RASA2: variants seen among roughly 807,000 people sequenced by gnomAD.
The protein encoded by RASA2 is RAS p21 protein activator 2, also known as ras GTPase-activating protein 2.
A neutral mutation model predicts 118.2 loss-of-function variants in RASA2; 155 were observed. The observed-to-expected ratio is 1.31, with a 90% CI of 1.15 to 1.50. The LOEUF (loss-of-function observed/expected upper bound fraction) is 1.50, where lower values mean the gene tolerates loss of function less well. RASA2 is among the 40% of genes most tolerant of loss of function. The pLI, the probability that RASA2 is intolerant of heterozygous loss-of-function variation, is 0.00. For missense variants in RASA2, 1,016 were observed against 1,009.6 expected (o/e 1.01, Z -0.09); for synonymous variants, 353 against 349.1 (o/e 1.01, Z -0.12).
intron 5 of RASA2, among the ~76,000 whole-genome samples, chr3:141,553,011 CA>C (rs2082596712): frequency 2.0e-5 from 3 of 152,122 alleles, no homozygotes. Flanking sequence ...CTGTAAATGC[CA>C]ACAACTGTGA....
intron 19 of RASA2, among the ~76,000 whole-genome samples, chr3:141,593,473 G>A (rs1027556720): frequency 2.2e-4 from 33 of 152,090 alleles, no homozygotes; most frequent in Non-Finnish European, 4.1e-4. Context: ...TGGAGTTTAG[G>A]GCTACCAGAG....
At chr3:141,543,870 TTTTTTC>T (rs2082441820) in intron 5 of RASA2, among the ~76,000 whole-genome samples, 1 of 118,824 alleles carries the variant, frequency 8.4e-6, no homozygotes, top group Non-Finnish European at 1.7e-5. Flanking sequence ...TCTTTCTTTC[TTTTTTC>T]TTTTTTTTTT....
chr3:141,559,747 A>G (rs181475651), intron 8 of RASA2, 147 bp from the exon 9 acceptor site: 1 of 588,618 alleles, frequency 1.7e-6, no homozygotes, highest in African/African-American at 1.9e-5. Flanking sequence ...TAGTCTGGAT[A>G]GTGAGGTATG....
Position 141,603,457 on chromosome 3 carries a change from G to A in RASA2, c.1934-4221G>A, listed in dbSNP as rs139669974. On this transcript the variant is annotated intron_variant, in intron 19 of 23. Coordinates refer to ENST00000286364, the MANE Select transcript of RASA2 (RefSeq NM_006506.5). ...GTGGTAGTGGGCGCCTGTAATCCCAGCTACTCAGGAGGCTGAGGCAGGAGA... is the reference window on the plus strand; with the variant it reads ...GTGGTAGTGGGCGCCTGTAATCCCAACTACTCAGGAGGCTGAGGCAGGAGA... Among the ~76,000 whole-genome samples the A allele has an allele frequency of 5.1e-3, 780 of 152,142 alleles. 8 individuals are homozygous for A. Among genetic ancestry groups the A allele is most frequent in the African/African-American group, 0.018 (747 of 41,478 alleles).
chr3:141,520,925 A>G (rs1199187185), intron 3 of RASA2, among the ~76,000 whole-genome samples: 2 of 152,180 alleles, frequency 1.3e-5, no homozygotes, highest in African/African-American at 4.8e-5. Flanking sequence ...AGGGGTTTCA[A>G]ATAGGGCATA....
intron 5 of RASA2, among the ~76,000 whole-genome samples, chr3:141,546,255 G>A (rs1408130457): frequency 6.6e-6 from 1 of 152,054 alleles, no homozygotes; most frequent in Non-Finnish European, 1.5e-5. Context: ...GTTTTTTGAG[G>A]AACCTCCAAA....
At chr3:141,560,108 A>G in intron 9 of RASA2, 113 bp downstream of exon 9, 1 of 739,446 alleles carries the variant, frequency 1.4e-6, no homozygotes. Flanking sequence ...GTAATAAGCT[A>G]AACGTCATTA....
intron 9 of RASA2, among the ~76,000 whole-genome samples, chr3:141,569,775 C>A (rs1028708196): frequency 6.6e-6 from 1 of 151,976 alleles, no homozygotes; most frequent in African/African-American, 2.4e-5. Flanking sequence ...TCAATCCCTA[C>A]CCCCCTATCT....
chr3:141,510,696 T>C lies in RASA2; in HGVS notation c.134-1467T>C, dbSNP rs377091666. On this transcript the variant is annotated intron_variant, in intron 1 of 23. Coordinates refer to ENST00000286364, the MANE Select transcript of RASA2 (RefSeq NM_006506.5). ...GATAAGGCACTCGCCATTGAAGATA[T>C]CTAGGAGTGTAGCATTCCAGACAAA... 5.3e-5 allele frequency among the ~76,000 whole-genome samples: 8 copies of C among 152,272 alleles called. No homozygotes were observed. In the East Asian group the frequency reaches 1.5e-3, roughly 29 times the overall value.
At chr3:141,561,878 G>A (rs187298827) in intron 9 of RASA2, among the ~76,000 whole-genome samples, 40 of 152,242 alleles carry the variant, frequency 2.6e-4, no homozygotes, top group African/African-American at 9.4e-4. Context: ...TAGACTAGAT[G>A]AATATTTGAT....
chr3:141,572,061 TACACACACACACACAC>T (rs374643522), intron 11 of RASA2, among the ~76,000 whole-genome samples: 1 of 98,264 alleles, frequency 1.0e-5, no homozygotes, highest in African/African-American at 5.4e-5. Context: ...TATATATATA[TACACACACACACACAC>T]ATATGTATTG....
intron 17 of RASA2, among the ~76,000 whole-genome samples, chr3:141,582,786 A>G (rs990139865): frequency 6.6e-6 from 1 of 152,206 alleles, no homozygotes; most frequent in African/African-American, 2.4e-5. Flanking sequence ...GTGAAGCTCA[A>G]TTTCTCATTT....
chr3:141,604,230 CTTTGT>C (rs1342772066), intron 19 of RASA2, among the ~76,000 whole-genome samples: 1 of 152,056 alleles, frequency 6.6e-6, no homozygotes, highest in Non-Finnish European at 1.5e-5. Context: ...ATTACTACTA[CTTTGT>C]TTTGTGTTTT....
chr3:141,561,584 G>A (rs958702784), intron 9 of RASA2, among the ~76,000 whole-genome samples: 5 of 152,144 alleles, frequency 3.3e-5, no homozygotes, highest in Admixed American at 6.5e-5. Flanking sequence ...TTTTAAGTTG[G>A]AAATAAAACT....
chr3:141,608,242 A>G (rs915487298), intron 20 of RASA2, among the ~76,000 whole-genome samples: 4 of 152,058 alleles, frequency 2.6e-5, no homozygotes, highest in African/African-American at 9.7e-5. Flanking sequence ...ATTCTTATCT[A>G]TATGATAGTC....
chr3:141,535,080 C>T (rs765227113), intron 4 of RASA2, among the ~76,000 whole-genome samples: 1 of 152,158 alleles, frequency 6.6e-6, no homozygotes, highest in African/African-American at 2.4e-5. Flanking sequence ...AGGTTTGTGA[C>T]AACCCTGTGT....
intron 1 of RASA2, among the ~76,000 whole-genome samples, chr3:141,505,992 C>G (rs1049027500): frequency 2.5e-4 from 38 of 152,096 alleles, no homozygotes; most frequent in African/African-American, 9.2e-4. Flanking sequence ...GGCATACTTG[C>G]AGTACATTTG....
At chr3:141,579,716 A>C (rs1418682915) in intron 15 of RASA2, among the ~76,000 whole-genome samples, 1 of 152,182 alleles carries the variant, frequency 6.6e-6, no homozygotes, top group Non-Finnish European at 1.5e-5. Flanking sequence ...CAGGTAATCC[A>C]AGGTGCCATA....
chr3:141,487,263 G>C, intron 1 of RASA2, 47 bp downstream of exon 1: 1 of 1,259,254 alleles, frequency 7.9e-7, no homozygotes, highest in Non-Finnish European at 1.0e-6. Flanking sequence ...CGCTGGGCGC[G>C]AGGCTGAGGG....
Sources: allele counts gnomAD v4.1 joint callset (sites outside exome capture counted in the v4.1 genomes callset), GRCh38; gene constraint gnomAD v4.1.1; transcripts MANE v1.5; gene names NCBI Gene and HGNC (gene_info 2026-07-23, HGNC 2026-07-21).